Variants in SDK1 observed in about 807,000 individuals in gnomAD.
SDK1 encodes sidekick cell adhesion molecule 1, also known as protein sidekick-1.
Under a neutral mutation model 245.5 loss-of-function variants are expected in SDK1, and 157 were observed. The observed-to-expected ratio is 0.64, with a 90% CI of 0.56 to 0.73. The LOEUF is 0.73. SDK1 is among the 30% of genes least tolerant of loss of function. SDK1 has a pLI of 0.00. For synonymous variants in SDK1, 1,647 were observed against 1,278.5 expected (o/e 1.29, Z -6.15); for missense variants, 3,583 against 3,002.3 (o/e 1.19, Z -4.52).
At chr7:3,316,534 A>G (rs1030840453) in intron 1 of SDK1, among the ~76,000 whole-genome samples, 3 of 152,212 alleles carry the variant, frequency 2.0e-5, no homozygotes, top group African/African-American at 4.8e-5. Context: ...CATGACCTGT[A>G]TATTCAATAT....
Position 3,731,867 on chromosome 7 carries a change from C to T in SDK1, c.714-89583C>T, listed in dbSNP as rs187892709. Among the ~76,000 whole-genome samples the T allele has an allele frequency of 5.4e-3, 818 of 152,274 alleles. 6 individuals carry two copies. Among genetic ancestry groups the T allele is most frequent in the African/African-American group, 0.019 (769 of 41,564 alleles). On this transcript the variant is annotated intron_variant, in intron 4 of 44. Coordinates refer to ENST00000404826, the MANE Select transcript of SDK1 (RefSeq NM_152744.4). Reference sequence around the variant, plus strand: ...AGTGCAGTGGCGTGATGTTGGCTCACTGCAACCTCCACTTCCCAGGTTCAA... The same window carrying T: ...AGTGCAGTGGCGTGATGTTGGCTCATTGCAACCTCCACTTCCCAGGTTCAA...
At chr7:3,705,702 A>C (rs1310197611) in intron 4 of SDK1, among the ~76,000 whole-genome samples, 2 of 152,048 alleles carry the variant, frequency 1.3e-5, no homozygotes, top group Non-Finnish European at 2.9e-5. Context: ...ATTGGCAGAC[A>C]GCAATAATTT....
chr7:3,633,241 C>A (rs1782351944), intron 2 of SDK1, among the ~76,000 whole-genome samples: 3 of 152,122 alleles, frequency 2.0e-5, no homozygotes, highest in Admixed American at 2.0e-4. Flanking sequence ...TGGATATTGA[C>A]AGTCCCCCCA....
intron 38 of SDK1, 140 bp from the exon 39 acceptor site, chr7:4,219,969 C>T (rs1443799787): frequency 1.0e-6 from 1 of 963,230 alleles, no homozygotes; most frequent in Non-Finnish European, 1.5e-6. Context: ...CTATTACCAC[C>T]ATATAAACTC....
chr7:4,177,997 G>A (rs573401407), intron 34 of SDK1, among the ~76,000 whole-genome samples: 39 of 147,220 alleles, frequency 2.6e-4, no homozygotes, highest in Admixed American at 1.1e-3. Context: ...TAGATCCCTC[G>A]CACGCGCAGT....
intron 4 of SDK1, among the ~76,000 whole-genome samples, chr7:3,651,530 A>AT (rs1286911072): frequency 6.6e-6 from 1 of 152,204 alleles, no homozygotes; most frequent in East Asian, 1.9e-4. Flanking sequence ...AGGAAAAAAT[A>AT]TGGAAAATCT....
chr7:3,363,880 A>G (rs1208793969), intron 1 of SDK1, among the ~76,000 whole-genome samples: 1 of 151,950 alleles, frequency 6.6e-6, no homozygotes, highest in Non-Finnish European at 1.5e-5. Flanking sequence ...GGTTTAAGAA[A>G]CCTTTTTTGA....
chr7:3,631,621 A>G (rs1208498096), intron 2 of SDK1, among the ~76,000 whole-genome samples: 2 of 152,154 alleles, frequency 1.3e-5, no homozygotes, highest in African/African-American at 4.8e-5. Flanking sequence ...GTGTTTTTGT[A>G]TTTCTGGCTT....
At chr7:4,217,050 A>ACCACGC (rs1309990099) in intron 38 of SDK1, among the ~76,000 whole-genome samples, 1 of 49,194 alleles carries the variant, frequency 2.0e-5, no homozygotes. Context: ...CACCCGGAGC[A>ACCACGC]CCACACCACC....
intron 9 of SDK1, 120 bp downstream of exon 9, chr7:3,962,971 C>A: frequency 2.1e-6 from 1 of 481,038 alleles, no homozygotes; most frequent in East Asian, 3.7e-5. Context: ...CTGACCTGGA[C>A]GTATCCAGTG....
chr7:3,633,385 C>T (rs1286904060), intron 2 of SDK1, among the ~76,000 whole-genome samples: 3 of 152,084 alleles, frequency 2.0e-5, no homozygotes, highest in African/African-American at 7.2e-5. Flanking sequence ...TGGTTTTGGC[C>T]TGTAACAGGT....
At chr7:3,973,362 A>T (rs1782639186) in intron 12 of SDK1, among the ~76,000 whole-genome samples, 1 of 152,244 alleles carries the variant, frequency 6.6e-6, no homozygotes. Context: ...ATTATTGTGG[A>T]AAAGAAAAAC....
intron 4 of SDK1, among the ~76,000 whole-genome samples, chr7:3,724,108 C>T (rs1304654406): frequency 6.6e-6 from 1 of 151,880 alleles, no homozygotes; most frequent in African/African-American, 2.4e-5. Context: ...GGATTACAGG[C>T]GTGTGCCACC....
In SDK1 at chr7:4,268,475, T is replaced by C. The variant is rs1179529058; in HGVS notation, c.*3091T>C. 4 of 1,175,528 alleles carry C rather than the reference T, an allele frequency of 3.4e-6. No individual in the cohort carries two copies. Among genetic ancestry groups the C allele is most frequent in the Non-Finnish European group, 4.3e-6 (4 of 932,676 alleles). The allele number at this position is 1,175,528 out of a possible 1,614,324, so 72.8% of individuals were successfully genotyped here. A position where few individuals can be genotyped will look rare whatever the true frequency, so the allele number is the denominator to read the frequency against. On this transcript the variant is annotated 3_prime_UTR_variant, in exon 45 of 45. Coordinates refer to ENST00000404826, the MANE Select transcript of SDK1 (RefSeq NM_152744.4). ...TTATAAGGCGCACTTCACTCAATGC[T>C]GTAGCCAAAAAACGAGGGGCCCCAG...
intron 4 of SDK1, among the ~76,000 whole-genome samples, chr7:3,723,787 TA>T: frequency 1.4e-5 from 2 of 147,900 alleles, no homozygotes; most frequent in African/African-American, 5.1e-5. Context: ...TATATACACG[TA>T]CTTATACATA....
intron 1 of SDK1, among the ~76,000 whole-genome samples, chr7:3,347,664 C>T (rs1238558526): frequency 1.3e-5 from 2 of 152,100 alleles, no homozygotes; most frequent in African/African-American, 2.4e-5. Flanking sequence ...AGTTTATATT[C>T]CTAAGTGGCT....
intron 1 of SDK1, among the ~76,000 whole-genome samples, chr7:3,582,715 C>T (rs1445549960): frequency 2.4e-5 from 3 of 127,526 alleles, no homozygotes; most frequent in Admixed American, 7.6e-5. Flanking sequence ...AAAAAGGTAC[C>T]ATCAGGGCTA....
intron 7 of SDK1, among the ~76,000 whole-genome samples, chr7:3,953,216 A>G (rs562162255): frequency 2.0e-5 from 3 of 152,332 alleles, no homozygotes; most frequent in African/African-American, 7.2e-5. Flanking sequence ...TAGCAAGAAA[A>G]GGAATACTGC....
At chr7:3,891,527 G>A (rs1004360947) in intron 5 of SDK1, among the ~76,000 whole-genome samples, 2 of 152,134 alleles carry the variant, frequency 1.3e-5, no homozygotes, top group African/African-American at 4.8e-5. Context: ...TTTTGAAGCT[G>A]TCCTGTTTGT....
Sources: allele counts gnomAD v4.1 joint callset (sites outside exome capture counted in the v4.1 genomes callset), GRCh38; gene constraint gnomAD v4.1.1; transcripts MANE v1.5; gene names NCBI Gene and HGNC (gene_info 2026-07-23, HGNC 2026-07-21).